Variants in MYO5C observed in about 807,000 individuals in gnomAD.
MYO5C encodes unconventional myosin-Vc.
MYO5C carries 194 observed loss-of-function variants against 235.7 expected under a neutral mutation model. That is an observed-to-expected ratio of 0.82 (90% CI 0.73 to 0.93). The LOEUF (loss-of-function observed/expected upper bound fraction) is 0.93, where lower values mean the gene tolerates loss of function less well. Ranked by LOEUF, MYO5C falls within the 40% of genes least tolerant of loss-of-function variation. MYO5C has a pLI of 0.00. For synonymous variants in MYO5C, 707 were observed against 754.8 expected (o/e 0.94, Z 1.04); for missense variants, 2,038 against 2,127.2 (o/e 0.96, Z 0.82).
Position 52,253,316 on chromosome 15 carries a change from C to T in MYO5C, c.1536+1G>A. ...AAAAAACAATTATTCTTAAAAGTTA[C>T]CAAACATTCTTCATCCAGTAACTCC... On this transcript the variant is annotated splice_donor_variant, in intron 12 of 40. Coordinates refer to ENST00000261839, the MANE Select transcript of MYO5C (RefSeq NM_018728.4). LOFTEE classifies it high-confidence loss of function. 1.2e-6 allele frequency: 2 copies of T among 1,602,678 alleles called. No individual in the cohort carries two copies. Among genetic ancestry groups the T allele is most frequent in the Non-Finnish European group, 1.7e-6 (2 of 1,176,158 alleles).
chr15:52,206,511 CTAA>C (rs1178488576), intron 36 of MYO5C, among the ~76,000 whole-genome samples: 1 of 152,062 alleles, frequency 6.6e-6, no homozygotes, highest in African/African-American at 2.4e-5. Flanking sequence ...GGGCCGTGAT[CTAA>C]TAATAAGATT....
intron 21 of MYO5C, among the ~76,000 whole-genome samples, chr15:52,238,737 G>A (rs2036146065): frequency 6.6e-6 from 1 of 152,056 alleles, no homozygotes. Context: ...CGCCTCCCAG[G>A]TTCATGCCAT....
At chr15:52,242,479 T>A (rs1348846545) in intron 19 of MYO5C, 4 of 417,842 alleles carry the variant, frequency 9.6e-6, no homozygotes, top group Non-Finnish European at 1.8e-5. Context: ...GAGACGATGA[T>A]GAGACTGTGC....
At chr15:52,277,247 G>C (rs534903141) in intron 4 of MYO5C, 2 of 528,194 alleles carry the variant, frequency 3.8e-6, no homozygotes, top group African/African-American at 3.9e-5. Context: ...GCTCCGTTCT[G>C]TTATGGCAGT....
intron 11 of MYO5C, 51 bp downstream of exon 11, chr15:52,256,588 C>CACGCGCGCGT (rs71130144): frequency 4.5e-5 from 52 of 1,168,332 alleles, no homozygotes; most frequent in Admixed American, 5.7e-5. Flanking sequence ...CACACACACA[C>CACGCGCGCGT]GCGCGCGCGC....
chr15:52,244,637 G>C, intron 18 of MYO5C, 70 bp from the exon 19 acceptor site: 1 of 1,093,708 alleles, frequency 9.1e-7, no homozygotes, highest in South Asian at 1.6e-5. Flanking sequence ...ATTTGGAAAA[G>C]AGCTTTAGGG....
rs111904673 is a variant in MYO5C, at chr15:52,234,490, A to C, written c.2962+1180T>G. On this transcript the variant is annotated intron_variant, in intron 23 of 40. Transcript: ENST00000261839. ...GAAATTCTATTTGAAGTTAGGGGGG[A>C]AAAAAGCCAAAACAACCACCCAAGA... Among the ~76,000 whole-genome samples, 7 of 23,666 alleles carry C rather than the reference A, an allele frequency of 3.0e-4. No individual in the cohort carries two copies. The Non-Finnish European group carries it at 3.8e-3, about 13-fold the overall frequency. 15.5% of individuals were successfully genotyped at this position (23,666 alleles called of 152,430 possible).
intron 32 of MYO5C, among the ~76,000 whole-genome samples, chr15:52,218,071 T>C (rs2035593411): frequency 6.6e-6 from 1 of 152,234 alleles, no homozygotes; most frequent in East Asian, 1.9e-4. Flanking sequence ...TTTTAAGCCT[T>C]CCATCGACAT....
At chr15:52,245,731 C>T (rs1043024435) in intron 17 of MYO5C, among the ~76,000 whole-genome samples, 1 of 152,358 alleles carries the variant, frequency 6.6e-6, no homozygotes, top group South Asian at 2.1e-4. Flanking sequence ...CCACCACCAG[C>T]AGCCGAGATG....
At chr15:52,247,073 G>A (rs550748548) in intron 15 of MYO5C, 59 bp from the exon 16 acceptor site, 16 of 1,458,806 alleles carry the variant, frequency 1.1e-5, no homozygotes, top group African/African-American at 7.0e-5. Context: ...CTTACATCAC[G>A]GTAAAAAGCA....
Position 52,225,434 on chromosome 15 carries a change from A to C in MYO5C, c.3301+5T>G. 1 of 1,599,604 alleles carries C rather than the reference A, an allele frequency of 6.3e-7. No individual in the cohort carries two copies. Among genetic ancestry groups the C allele is most frequent in the Non-Finnish European group, 8.6e-7 (1 of 1,166,984 alleles). On this transcript the variant is annotated splice_donor_5th_base_variant and intron_variant, in intron 26 of 40. Coordinates refer to ENST00000261839, the MANE Select transcript of MYO5C (RefSeq NM_018728.4). ...CATGGACTAAGAGACTCATATTTTT[A>C]TTACCTCTCATTTCCCGTTTTTGTG...
chr15:52,271,784 C>T lies in MYO5C; in HGVS notation c.811G>A (p.Glu271Lys), dbSNP rs1383146326. 4 of 1,564,926 alleles carry T rather than the reference C, an allele frequency of 2.6e-6. No individual in the cohort carries two copies. In the East Asian group the frequency reaches 9.2e-5, roughly 36 times the overall value. The change falls in exon 7 of 41, where the codon GAA becomes AAA. Residue 271 changes from glutamate (E) to lysine (K), a missense_variant. Physicochemically the swap from Glu to Lys is moderately conservative, Grantham distance 56. Transcript: ENST00000261839. ...YQLCASAQQS[E>K]FKHLKLGSAE... is the part of the protein sequence containing the mutation. The stretch of plus-strand genomic sequence containing the variant: ...ATACCCAATTTAAGATGTTTAAATT[C>T]CGACTGCTGTGCAGATGCACAAAGC...
chr15:52,245,957 T>A lies in MYO5C; in HGVS notation c.2065A>T (p.Arg689Trp). ...IRISAQSYPS[R>W]WTYIEFYSRY... ...CCAAGACAAGGACGGACAACATACCTGGAAGGGTAGCTCTGTGCACTAATG... is the reference window on the plus strand; with the variant it reads ...CCAAGACAAGGACGGACAACATACCAGGAAGGGTAGCTCTGTGCACTAATG... Residue 689 changes from arginine (R) to tryptophan (W), a missense_variant and splice_region_variant, in exon 17 of 41, where the codon AGG becomes TGG. Arg to Trp is a moderately radical substitution (Grantham distance 101, BLOSUM62 -3). Transcript: ENST00000261839. 3 of 1,613,964 alleles carry A rather than the reference T, an allele frequency of 1.9e-6. No homozygotes were observed. The highest frequency in any genetic ancestry group is 2.5e-6 in the Non-Finnish European group (3 of 1,179,818).
rs905633856 is a variant in MYO5C at position 52,261,053 on chromosome 15, GCA to G, written c.1120_1121del (p.Cys374GlnfsTer9). Reference protein sequence around the residue: ...LESGRVAQWLCNRKIVTSSET... With the variant: ...LESGRVAQWLXNRKIVTSSET... ...CAGAGCTTGTGACGATTTTGCGATT[GCA>G]CAGCCACTGAGCAACTCTGCCACTC... On this transcript the variant is annotated frameshift_variant, in exon 10 of 41. Transcript: ENST00000261839. LOFTEE classifies it high-confidence loss of function. The G allele has an allele frequency of 6.2e-7, 1 of 1,614,096 alleles. No homozygotes were observed. Among genetic ancestry groups the G allele is most frequent in the Non-Finnish European group, 8.5e-7 (1 of 1,180,048 alleles).
intron 1 of MYO5C, among the ~76,000 whole-genome samples, chr15:52,292,492 A>G (rs2037413899): frequency 6.6e-6 from 1 of 152,242 alleles, no homozygotes; most frequent in Admixed American, 6.5e-5. Context: ...TCTAACACAC[A>G]GAGTTGTTTA....
At chr15:52,251,718 G>A (rs2036477379) in intron 12 of MYO5C, among the ~76,000 whole-genome samples, 1 of 152,092 alleles carries the variant, frequency 6.6e-6, no homozygotes, top group Non-Finnish European at 1.5e-5. Context: ...AGGCTGGAGT[G>A]TGATGACGCG....
At position 52,269,815 on chromosome 15, in the gene MYO5C, A is replaced by C; in HGVS notation, c.878T>G (p.Val293Gly). 1.2e-6 allele frequency: 2 copies of C among 1,613,726 alleles called. No homozygotes were observed. The highest frequency in any genetic ancestry group is 1.7e-6 in the Non-Finnish European group (2 of 1,179,846). The change falls in exon 8 of 41, where the codon GTC (valine) becomes GGC (glycine). Residue 293 changes from valine (V) to glycine (G), a missense_variant. By Grantham distance (109) the Val-to-Gly change is moderately radical. Coordinates refer to ENST00000261839, the MANE Select transcript of MYO5C (RefSeq NM_018728.4). ...AGCTCGATCATTCACACCCTCAATG[A>C]CAGTATTGCCTCCCATTCTTGTATA... ...FNYTRMGGNT[V>G]IEGVNDRAEM...
intron 7 of MYO5C, 54 bp downstream of exon 7, chr15:52,271,709 G>C (rs2036928862): frequency 9.7e-7 from 1 of 1,026,004 alleles, no homozygotes; most frequent in African/African-American, 1.6e-5. Context: ...AGTTAACCTA[G>C]AATTTAAGCC....
At chr15:52,287,470 G>C (rs1475284712) in intron 1 of MYO5C, among the ~76,000 whole-genome samples, 1 of 152,158 alleles carries the variant, frequency 6.6e-6, no homozygotes, top group Non-Finnish European at 1.5e-5. Flanking sequence ...CTGAGAGTTG[G>C]ATGTATTTTC....
Sources: gnomAD v4.1 joint callset for allele counts (sites outside exome capture counted in the v4.1 genomes callset) on GRCh38, gnomAD v4.1.1 for gene constraint, MANE v1.5 for transcripts, NCBI Gene and HGNC (gene_info 2026-07-23, HGNC 2026-07-21) for gene names.